OPHN1: variants seen among roughly 807,000 people sequenced by gnomAD.
OPHN1 encodes oligophrenin-1.
A neutral mutation model predicts 60.7 loss-of-function variants in OPHN1; 11 were observed. That is an observed-to-expected ratio of 0.18 (90% CI 0.11 to 0.30). The LOEUF is 0.30. Among genes scored for constraint, OPHN1 ranks in the 10% least tolerant of loss-of-function variants. The pLI, the probability that OPHN1 is intolerant of heterozygous loss-of-function variation, is 1.00. For synonymous variants in OPHN1, 226 were observed against 222.6 expected, an observed-to-expected ratio of 1.02 and a Z score of -0.14; for missense variants, 449 against 611.0, an observed-to-expected ratio of 0.73 and a Z score of 2.80.
intron 2 of OPHN1, among the ~76,000 whole-genome samples, chrX:68,381,421 C>T (rs933545097): frequency 7.2e-5 from 8 of 111,697 alleles, no homozygotes; most frequent in African/African-American, 2.3e-4. Flanking sequence ...ACATAGTAAG[C>T]GCTCAACAAA....
chrX:68,244,509 A>C (rs2077796258), intron 5 of OPHN1, among the ~76,000 whole-genome samples: 2 of 112,094 alleles, frequency 1.8e-5, no homozygotes, highest in Non-Finnish European at 3.8e-5. Flanking sequence ...TCAGGTACAG[A>C]GTGTGGCCAA....
In OPHN1 at chrX:68,071,268, A is replaced by G; in HGVS notation, c.1834+1884T>C. The G allele has an allele frequency of 8.4e-6, 6 of 711,961 alleles. No individual in the cohort carries two copies. In the South Asian group the frequency reaches 1.3e-4, roughly 15 times the overall value. The allele number at this position is 711,961 out of a possible 1,213,427, so 58.7% of individuals were successfully genotyped here. On this transcript the variant is annotated intron_variant, in intron 20 of 24. Coordinates refer to ENST00000355520, the MANE Select transcript of OPHN1 (RefSeq NM_002547.3). ...CTACCATGGAGCTGTGGGCTCTGTG[A>G]GCAGTGCCAAAAGCACCATTGACAT...
At chrX:68,069,527 C>T (rs898829901) in intron 20 of OPHN1, among the ~76,000 whole-genome samples, 1 of 111,417 alleles carries the variant, frequency 9.0e-6, no homozygotes, top group Non-Finnish European at 1.9e-5. Context: ...ATTCCTTATA[C>T]ATCCACTCAT....
chrX:68,072,928 C>T (rs1183655118), intron 20 of OPHN1, among the ~76,000 whole-genome samples: 2 of 111,528 alleles, frequency 1.8e-5, no homozygotes, highest in African/African-American at 6.5e-5. Context: ...AGGGATCCTC[C>T]ACGTGGTAAC....
At chrX:68,238,635 T>G (rs1411312593) in intron 5 of OPHN1, among the ~76,000 whole-genome samples, 3 of 111,881 alleles carry the variant, frequency 2.7e-5, no homozygotes, top group Non-Finnish European at 5.6e-5. Flanking sequence ...TGAAAATAAT[T>G]TCTGCATATT....
In OPHN1 at chrX:68,301,586, G is replaced by A. The variant is rs545431310; in HGVS notation, c.155-2490C>T. ...ATATTTTAGATAAACAAGTGAAGTG[G>A]ATGACTTCTAGACTACAAAGAATCC... On this transcript the variant is annotated intron_variant, in intron 2 of 24. Transcript: ENST00000355520. 2.1e-4 allele frequency among the ~76,000 whole-genome samples: 23 copies of A among 111,541 alleles called. No individual in the cohort carries two copies. In the South Asian group the frequency reaches 7.9e-3, roughly 38 times the overall value.
chrX:68,152,166 C>T (rs2077287861), intron 15 of OPHN1, among the ~76,000 whole-genome samples: 1 of 111,406 alleles, frequency 9.0e-6, no homozygotes, highest in African/African-American at 3.3e-5. Flanking sequence ...GATTACAATT[C>T]AACATGAGAT....
At chrX:68,253,837 C>A (rs950927432) in intron 5 of OPHN1, among the ~76,000 whole-genome samples, 1 of 111,361 alleles carries the variant, frequency 9.0e-6, no homozygotes, top group African/African-American at 3.3e-5. Context: ...CAGTCTTGCC[C>A]GTAGATCAGA....
intron 2 of OPHN1, among the ~76,000 whole-genome samples, chrX:68,315,050 G>A (rs754365818): frequency 9.2e-5 from 10 of 108,535 alleles, no homozygotes; most frequent in Admixed American, 3.0e-4. Context: ...ATTATACATC[G>A]TTTAATAAAA....
chrX:68,268,553 A>G (rs2077946760), intron 5 of OPHN1, among the ~76,000 whole-genome samples: 1 of 111,946 alleles, frequency 8.9e-6, no homozygotes, highest in Non-Finnish European at 1.9e-5. Context: ...CTTCATGCTA[A>G]AGACTCTCAA....
intron 8 of OPHN1, 49 bp downstream of exon 8, chrX:68,212,059 T>A (rs1426331259): frequency 1.1e-6 from 1 of 945,515 alleles, no homozygotes; most frequent in South Asian, 2.1e-5. Context: ...AGGGCTGAAA[T>A]TCAATCGGAA....
At chrX:68,398,458 C>T (rs183705338) in intron 2 of OPHN1, among the ~76,000 whole-genome samples, 2 of 112,368 alleles carry the variant, frequency 1.8e-5, no homozygotes, top group Non-Finnish European at 3.7e-5. Context: ...ATGTATTCCA[C>T]TGCTGTGGTG....
chrX:68,386,889 A>G (rs5965568), intron 2 of OPHN1, among the ~76,000 whole-genome samples: 33,193 of 111,167 alleles, frequency 0.3, 6,975 homozygotes, highest in African/African-American at 0.76. Context: ...GGTTTATTTT[A>G]TAAACCAAAG....
At chrX:68,333,671 GCACA>G (rs368691205) in intron 2 of OPHN1, among the ~76,000 whole-genome samples, 5 of 107,358 alleles carry the variant, frequency 4.7e-5, no homozygotes, top group East Asian at 5.9e-4. Flanking sequence ...GCGCGTGCGT[GCACA>G]CACACACACA....
chrX:68,214,028 G>A, intron 6 of OPHN1, 56 bp from the exon 7 acceptor site: 1 of 706,920 alleles, frequency 1.4e-6, no homozygotes, highest in Non-Finnish European at 2.2e-6. Flanking sequence ...ATGAAAGTCA[G>A]TACTTAAGGA....
chrX:68,123,899 T>C (rs953948064), intron 15 of OPHN1, among the ~76,000 whole-genome samples: 2 of 110,376 alleles, frequency 1.8e-5, no homozygotes, highest in Non-Finnish European at 3.8e-5. Context: ...AATAATAACA[T>C]TGAATATAAA....
intron 16 of OPHN1, among the ~76,000 whole-genome samples, chrX:68,116,052 C>T (rs1179968824): frequency 1.8e-5 from 2 of 111,442 alleles, no homozygotes; most frequent in South Asian, 3.8e-4. Context: ...GTTTATCTGA[C>T]GACCGGGATC....
chrX:68,413,865 A>G (rs1033493644), intron 2 of OPHN1, among the ~76,000 whole-genome samples: 3 of 112,006 alleles, frequency 2.7e-5, no homozygotes, highest in African/African-American at 9.7e-5. Flanking sequence ...GTACAAGCAA[A>G]TCACCAGCTC....
In OPHN1 at chrX:68,328,019, C is replaced by T. The variant is rs1306451947; in HGVS notation, c.155-28923G>A. 1.6e-4 allele frequency among the ~76,000 whole-genome samples: 16 copies of T among 97,278 alleles called. 1 individual carries two copies. The highest frequency in any genetic ancestry group is 1.2e-3 in the Admixed American group (11 of 9,020). The allele number at this position is 97,278 out of a possible 115,157, so 84.5% of individuals were successfully genotyped here. A position where few individuals can be genotyped will look rare whatever the true frequency, so the allele number is the denominator to read the frequency against. ...TAATTTTTTGTATTTTTAGTAGAGACGGGGTTTCACCTTGTTAGCCAGGAT... is the reference window on the plus strand; with the variant it reads ...TAATTTTTTGTATTTTTAGTAGAGATGGGGTTTCACCTTGTTAGCCAGGAT... On this transcript the variant is annotated intron_variant, in intron 2 of 24. Transcript: ENST00000355520.
Sources: allele counts gnomAD v4.1 joint callset (sites outside exome capture counted in the v4.1 genomes callset), GRCh38; gene constraint gnomAD v4.1.1; transcripts MANE v1.5; gene names NCBI Gene and HGNC (gene_info 2026-07-23, HGNC 2026-07-21).